The following CDH12 variants were observed in gnomAD, a reference collection of about 807,000 sequenced individuals.
CDH12 encodes cadherin 12.
A neutral mutation model predicts 74.1 loss-of-function variants in CDH12; 41 were observed. That is an observed-to-expected ratio of 0.55 (90% CI 0.43 to 0.72). The LOEUF (loss-of-function observed/expected upper bound fraction) is 0.72, where lower values mean the gene tolerates loss of function less well. Among genes scored for constraint, CDH12 ranks in the 30% least tolerant of loss-of-function variants. The probability of loss-of-function intolerance (pLI) is 0.00; values close to 1 mark genes in which losing one functional copy is unlikely to be tolerated. For missense variants in CDH12, 945 were observed against 977.2 expected (o/e 0.97, Z 0.44); for synonymous variants, 399 against 355.0 (o/e 1.12, Z -1.39).
chr5:22,268,860 T>G (rs1736253663), intron 3 of CDH12, among the ~76,000 whole-genome samples: 1 of 152,248 alleles, frequency 6.6e-6, no homozygotes, highest in East Asian at 1.9e-4. Context: ...GCATCATACT[T>G]TACATTAGGC....
At chr5:22,306,830 G>C (rs1243139903) in intron 3 of CDH12, among the ~76,000 whole-genome samples, 6 of 152,120 alleles carry the variant, frequency 3.9e-5, no homozygotes, top group Admixed American at 6.5e-5. Flanking sequence ...ATAAAAATTA[G>C]ATGTACCATG....
chr5:22,595,935 A>T (rs28411023), intron 1 of CDH12, among the ~76,000 whole-genome samples: 47,950 of 146,534 alleles, frequency 0.33, 8,196 homozygotes, highest in African/African-American at 0.43. Flanking sequence ...AATAAATAAA[A>T]ATAAATAAAA....
At chr5:22,616,391 A>T (rs1737689742) in intron 1 of CDH12, among the ~76,000 whole-genome samples, 2 of 152,100 alleles carry the variant, frequency 1.3e-5, no homozygotes, top group Admixed American at 6.6e-5. Flanking sequence ...TCATTTTTAG[A>T]TGTGTGAATT....
At chr5:21,891,946 T>G (rs74738787) in intron 6 of CDH12, among the ~76,000 whole-genome samples, 1 of 152,132 alleles carries the variant, frequency 6.6e-6, no homozygotes, top group East Asian at 1.9e-4. Flanking sequence ...CTATGCTTAA[T>G]TGATGGCTAC....
chr5:22,578,162 C>G lies in CDH12; in HGVS notation c.-522-72798G>C, dbSNP rs189087356. On this transcript the variant is annotated intron_variant, in intron 1 of 14. Transcript: ENST00000382254. ...GTGTTATATCCAGTGTCTTTCTACT[C>G]ACTTCTAGTAAAGAATGATCATGCA... 4.6e-5 allele frequency among the ~76,000 whole-genome samples: 7 copies of G among 152,218 alleles called. No homozygotes were observed. In the East Asian group the frequency reaches 1.4e-3, roughly 29 times the overall value.
At chr5:21,771,195 A>G (rs1385601593) in intron 11 of CDH12, among the ~76,000 whole-genome samples, 1 of 135,360 alleles carries the variant, frequency 7.4e-6, no homozygotes, top group African/African-American at 3.1e-5. Flanking sequence ...CTAAAATGAA[A>G]GTTTTTTTTT....
At chr5:22,171,973 C>T (rs1223905788) in intron 4 of CDH12, among the ~76,000 whole-genome samples, 1 of 151,806 alleles carries the variant, frequency 6.6e-6, no homozygotes, top group South Asian at 2.1e-4. Context: ...ACCTGAGTTC[C>T]TTGTCTATGT....
At chr5:22,363,272 T>A (rs1018615896) in intron 3 of CDH12, among the ~76,000 whole-genome samples, 3 of 152,194 alleles carry the variant, frequency 2.0e-5, no homozygotes, top group African/African-American at 7.2e-5. Flanking sequence ...TTTATCATTA[T>A]GCAAAACAAA....
At chr5:22,451,230 G>T (rs866536439) in intron 2 of CDH12, among the ~76,000 whole-genome samples, 1 of 151,820 alleles carries the variant, frequency 6.6e-6, no homozygotes, top group African/African-American at 2.4e-5. Flanking sequence ...AATATATAGA[G>T]AGTAAGTGAT....
intron 5 of CDH12, among the ~76,000 whole-genome samples, chr5:22,027,271 T>C (rs900443518): frequency 6.6e-6 from 1 of 152,152 alleles, no homozygotes; most frequent in Non-Finnish European, 1.5e-5. Flanking sequence ...TGGTCTAAAA[T>C]TCTCTTTTTT....
chr5:22,368,648 A>G (rs1208429871), intron 3 of CDH12, among the ~76,000 whole-genome samples: 1 of 152,154 alleles, frequency 6.6e-6, no homozygotes, highest in East Asian at 1.9e-4. Context: ...ATTTGCCTTA[A>G]CATATATCTA....
At chr5:21,888,098 G>C (rs543489052) in intron 6 of CDH12, among the ~76,000 whole-genome samples, 3 of 152,172 alleles carry the variant, frequency 2.0e-5, no homozygotes, top group African/African-American at 7.2e-5. Context: ...GCCGGGCCTG[G>C]GGTAGTAACA....
At chr5:22,563,107 A>T (rs1358234747) in intron 1 of CDH12, among the ~76,000 whole-genome samples, 1 of 148,922 alleles carries the variant, frequency 6.7e-6, no homozygotes, top group Non-Finnish European at 1.5e-5. Context: ...TTTTTCTTCA[A>T]ATAATAGGAG....
intron 2 of CDH12, among the ~76,000 whole-genome samples, chr5:22,409,092 A>G (rs552081139): frequency 3.5e-4 from 53 of 152,196 alleles, no homozygotes; most frequent in African/African-American, 1.3e-3. Context: ...GCAAATATTT[A>G]AAGGTATCTT....
intron 3 of CDH12, among the ~76,000 whole-genome samples, chr5:22,252,873 T>G (rs1440359593): frequency 6.6e-6 from 1 of 151,982 alleles, no homozygotes; most frequent in Non-Finnish European, 1.5e-5. Context: ...TATTACATGC[T>G]CTACTGAAAA....
At chr5:22,398,534 G>T (rs1405142128) in intron 3 of CDH12, among the ~76,000 whole-genome samples, 1 of 151,966 alleles carries the variant, frequency 6.6e-6, no homozygotes, top group Non-Finnish European at 1.5e-5. Flanking sequence ...TGGATTTCTT[G>T]GTGATTTGAC....
chr5:22,617,942 A>G (rs749102798), intron 1 of CDH12, among the ~76,000 whole-genome samples: 6 of 152,134 alleles, frequency 3.9e-5, no homozygotes, highest in Non-Finnish European at 8.8e-5. Context: ...TAATATTCAT[A>G]AACAATTGAT....
intron 3 of CDH12, among the ~76,000 whole-genome samples, chr5:22,228,299 A>T (rs1438078870): frequency 6.6e-6 from 1 of 152,108 alleles, no homozygotes; most frequent in Admixed American, 6.6e-5. Context: ...GGCCAAATAT[A>T]ACACCGTAGC....
At chr5:21,872,530 T>C (rs1751680020) in intron 6 of CDH12, among the ~76,000 whole-genome samples, 1 of 152,192 alleles carries the variant, frequency 6.6e-6, no homozygotes, top group Non-Finnish European at 1.5e-5. Context: ...GGAAATTCCA[T>C]AGAAATAATG....
Sources: gnomAD v4.1 joint callset for allele counts (sites outside exome capture counted in the v4.1 genomes callset) on GRCh38, gnomAD v4.1.1 for gene constraint, MANE v1.5 for transcripts, NCBI Gene and HGNC (gene_info 2026-07-23, HGNC 2026-07-21) for gene names.